Variants in PTPRD observed in about 807,000 individuals in gnomAD.
The protein encoded by PTPRD is receptor-type tyrosine-protein phosphatase delta.
In PTPRD, 34 loss-of-function variants were observed where a neutral mutation model predicts 214.5. That is an observed-to-expected ratio of 0.16 (90% CI 0.12 to 0.21). The LOEUF is 0.21. PTPRD is among the 10% of genes least tolerant of loss of function. The pLI is 1.00. For synonymous variants in PTPRD, 1,128 were observed against 845.7 expected (o/e 1.33, Z -5.79); for missense variants, 2,545 against 2,398.7 (o/e 1.06, Z -1.27).
chr9:8,569,900 A>C (rs1353017447), intron 14 of PTPRD, among the ~76,000 whole-genome samples: 1 of 152,182 alleles, frequency 6.6e-6, no homozygotes, highest in Non-Finnish European at 1.5e-5. Context: ...ATACATAATG[A>C]AAGTTTCAGA....
At chr9:9,925,755 C>A (rs1260659924) in intron 5 of PTPRD, among the ~76,000 whole-genome samples, 2 of 151,802 alleles carry the variant, frequency 1.3e-5, no homozygotes, top group Admixed American at 1.3e-4. Flanking sequence ...TTCCTTTTAT[C>A]TTTGTTTCAT....
intron 10 of PTPRD, among the ~76,000 whole-genome samples, chr9:9,125,611 G>C (rs1331931682): frequency 6.6e-6 from 1 of 152,134 alleles, no homozygotes; most frequent in East Asian, 1.9e-4. Flanking sequence ...AGGTGCTCAA[G>C]AAATACTTCT....
rs60964311 is a variant in PTPRD, at chr9:9,897,131, TAC to T, written c.-368+41374_-368+41375del. ...TTAAAACAAAAACATCTCTTACACT[TAC>T]ACACACACACACACACACACACACA... On this transcript the variant is annotated intron_variant, in intron 5 of 45. Coordinates refer to ENST00000381196, the MANE Select transcript of PTPRD (RefSeq NM_002839.4). Among the ~76,000 whole-genome samples the T allele has an allele frequency of 5.2e-3, 773 of 148,978 alleles. 4 individuals are homozygous for T. Among genetic ancestry groups the T allele is most frequent in the African/African-American group, 0.011 (433 of 40,408 alleles).
intron 11 of PTPRD, among the ~76,000 whole-genome samples, chr9:8,772,563 A>G (rs1319494543): frequency 1.3e-5 from 2 of 152,108 alleles, no homozygotes; most frequent in East Asian, 3.9e-4. Context: ...GGATCACTTG[A>G]GCCCAGGAGT....
intron 5 of PTPRD, among the ~76,000 whole-genome samples, chr9:9,863,071 A>G (rs1355048609): frequency 1.3e-5 from 2 of 152,184 alleles, no homozygotes; most frequent in African/African-American, 4.8e-5. Flanking sequence ...TCATTCAACA[A>G]AAATATTTGA....
At position 9,610,268 on chromosome 9, in the gene PTPRD, A is replaced by G. The variant is rs1437730005; in HGVS notation, c.-286-35487T>C. ...CTACAACATTATGCAGCCATTAAAC[A>G]TATTTTCAAAAAAATGCCGTATGAA... On this transcript the variant is annotated intron_variant, in intron 7 of 45. Coordinates refer to ENST00000381196, the MANE Select transcript of PTPRD (RefSeq NM_002839.4). 3.3e-5 allele frequency among the ~76,000 whole-genome samples: 5 copies of G among 152,234 alleles called. No individual in the cohort carries two copies. In the South Asian group the frequency reaches 6.2e-4, roughly 19 times the overall value.
In PTPRD at chr9:8,419,246, A is replaced by G. The variant is rs569089754; in HGVS notation, c.4087-14586T>C. ...CTCTCCAAAAAATTAAAAAAAAAAAAAAAAGAAAAGAAAAACAATATTATT... is the reference window on the plus strand; with the variant it reads ...CTCTCCAAAAAATTAAAAAAAAAAAGAAAAGAAAAGAAAAACAATATTATT... On this transcript the variant is annotated intron_variant, in intron 35 of 45. Coordinates refer to ENST00000381196, the MANE Select transcript of PTPRD (RefSeq NM_002839.4). Among the ~76,000 whole-genome samples the G allele has an allele frequency of 3.6e-3, 542 of 151,498 alleles. 4 individuals carry two copies. The highest frequency in any genetic ancestry group is 0.013 in the African/African-American group (521 of 41,434).
chr9:10,526,662 C>G (rs954222009), intron 2 of PTPRD, among the ~76,000 whole-genome samples: 1 of 152,192 alleles, frequency 6.6e-6, no homozygotes, highest in Admixed American at 6.6e-5. Flanking sequence ...ATTTAATTAT[C>G]TTTCAATACC....
At chr9:8,774,527 CT>C (rs564318443) in intron 11 of PTPRD, among the ~76,000 whole-genome samples, 1,844 of 105,160 alleles carry the variant, frequency 0.018, 20 homozygotes, top group African/African-American at 0.063. Flanking sequence ...TGAAAAGTAA[CT>C]TTTTTTTTTT....
At chr9:8,733,651 G>A (rs1598290898) in intron 12 of PTPRD, 129 bp downstream of exon 12, 1 of 918,098 alleles carries the variant, frequency 1.1e-6, no homozygotes, top group Non-Finnish European at 1.7e-6. Context: ...GGTAGCCAAG[G>A]AGGATCCCGC....
At chr9:9,905,634 A>G (rs969213231) in intron 5 of PTPRD, among the ~76,000 whole-genome samples, 2 of 152,014 alleles carry the variant, frequency 1.3e-5, no homozygotes, top group Admixed American at 1.3e-4. Context: ...ATGACATGCT[A>G]TAAAACTCAG....
At chr9:8,875,767 T>C (rs1268842965) in intron 11 of PTPRD, among the ~76,000 whole-genome samples, 6 of 152,194 alleles carry the variant, frequency 3.9e-5, no homozygotes, top group Admixed American at 1.3e-4. Context: ...GAACAAGCTT[T>C]AGACTTAGTA....
At chr9:8,640,256 T>C (rs1441956988) in intron 12 of PTPRD, among the ~76,000 whole-genome samples, 2 of 151,908 alleles carry the variant, frequency 1.3e-5, no homozygotes, top group East Asian at 3.9e-4. Flanking sequence ...TATTGACAAG[T>C]ATAAAAATAT....
chr9:10,378,022 G>T (rs2097761978), intron 2 of PTPRD, among the ~76,000 whole-genome samples: 1 of 151,930 alleles, frequency 6.6e-6, no homozygotes, highest in South Asian at 2.1e-4. Flanking sequence ...TTACATCCCT[G>T]CTAACAGCAT....
chr9:9,517,834 C>T (rs1359587683), intron 8 of PTPRD, among the ~76,000 whole-genome samples: 1 of 151,928 alleles, frequency 6.6e-6, no homozygotes, highest in Non-Finnish European at 1.5e-5. Context: ...GGTGAATAGA[C>T]AATGCTTACA....
chr9:10,288,757 T>A (rs2095439342), intron 3 of PTPRD, among the ~76,000 whole-genome samples: 1 of 152,190 alleles, frequency 6.6e-6, no homozygotes, highest in African/African-American at 2.4e-5. Flanking sequence ...ACTTTACAAA[T>A]TCTAAAATAT....
At chr9:9,713,875 G>A (rs185009045) in intron 7 of PTPRD, among the ~76,000 whole-genome samples, 5 of 152,016 alleles carry the variant, frequency 3.3e-5, no homozygotes, top group Admixed American at 6.6e-5. Context: ...ATTAATCATG[G>A]GATGTCTTTC....
intron 9 of PTPRD, among the ~76,000 whole-genome samples, chr9:9,284,413 A>C (rs1948724603): frequency 6.6e-6 from 1 of 151,636 alleles, no homozygotes; most frequent in South Asian, 2.1e-4. Context: ...GCTCTCCCTG[A>C]ATGCCTTGGT....
chr9:10,393,532 T>C (rs570215740), intron 2 of PTPRD, among the ~76,000 whole-genome samples: 1 of 151,434 alleles, frequency 6.6e-6, no homozygotes, highest in East Asian at 2.0e-4. Flanking sequence ...GACTCATGCC[T>C]CTAATCCCAG....
Sources: allele counts gnomAD v4.1 joint callset (sites outside exome capture counted in the v4.1 genomes callset), GRCh38; gene constraint gnomAD v4.1.1; transcripts MANE v1.5; gene names NCBI Gene and HGNC (gene_info 2026-07-23, HGNC 2026-07-21).